The following ADGRL3 variants were observed in gnomAD, a reference collection of about 807,000 sequenced individuals.
ADGRL3 encodes adhesion G protein-coupled receptor L3, also known as calcium-independent alpha-latrotoxin receptor 3.
A neutral mutation model predicts 153.5 loss-of-function variants in ADGRL3; 62 were observed. The ratio of observed to expected loss-of-function variants is 0.40; its 90% CI spans 0.33 to 0.50. The LOEUF is 0.50. ADGRL3 is among the 20% of genes least tolerant of loss of function. ADGRL3 has a pLI of 0.47. For missense variants in ADGRL3, 1,641 were observed against 1,859.4 expected (o/e 0.88, Z 2.16); for synonymous variants, 710 against 672.5 (o/e 1.06, Z -0.86).
At chr4:62,051,104 A>T (rs1733869814) in intron 25 of ADGRL3, among the ~76,000 whole-genome samples, 1 of 149,954 alleles carries the variant, frequency 6.7e-6, no homozygotes, top group Non-Finnish European at 1.5e-5. Context: ...GGATATATAT[A>T]TACAAAGAAT....
chr4:61,308,258 A>G (rs987460564), intron 1 of ADGRL3, among the ~76,000 whole-genome samples: 9 of 152,186 alleles, frequency 5.9e-5, no homozygotes, highest in Admixed American at 2.6e-4. Flanking sequence ...CTTTGAGAGA[A>G]GCAAACACCA....
chr4:62,068,053 C>T (rs1743949669), intron 25 of ADGRL3, 113 bp from the exon 26 acceptor site: 1 of 600,782 alleles, frequency 1.7e-6, no homozygotes, highest in Non-Finnish European at 2.8e-6. Flanking sequence ...AAATTATTTC[C>T]TTTGACTCTT....
chr4:61,575,425 C>T (rs569141709), intron 4 of ADGRL3, among the ~76,000 whole-genome samples: 1 of 151,940 alleles, frequency 6.6e-6, no homozygotes, highest in African/African-American at 2.4e-5. Context: ...AGACAGGTGA[C>T]CTATGGATGA....
At chr4:61,348,274 T>C (rs1167632348) in intron 1 of ADGRL3, among the ~76,000 whole-genome samples, 5 of 152,064 alleles carry the variant, frequency 3.3e-5, no homozygotes, top group Middle Eastern at 3.2e-3. Flanking sequence ...TTGATTATGT[T>C]TAAGGCACAT....
At chr4:62,009,435 G>A (rs537789055) in intron 21 of ADGRL3, among the ~76,000 whole-genome samples, 133 of 151,818 alleles carry the variant, frequency 8.8e-4, no homozygotes, top group African/African-American at 2.9e-3. Flanking sequence ...TTTATGAAGC[G>A]TACTTTATAA....
intron 6 of ADGRL3, among the ~76,000 whole-genome samples, chr4:61,721,229 C>T (rs2096238619): frequency 6.6e-6 from 1 of 152,044 alleles, no homozygotes. Flanking sequence ...AAGGTGAAGT[C>T]CCACAATAGG....
chr4:61,801,433 T>C (rs1483618966), intron 8 of ADGRL3, among the ~76,000 whole-genome samples: 2 of 152,126 alleles, frequency 1.3e-5, no homozygotes, highest in African/African-American at 4.8e-5. Flanking sequence ...AGAGTGGATT[T>C]AAACTCTGTT....
intron 4 of ADGRL3, among the ~76,000 whole-genome samples, chr4:61,538,130 G>A (rs2098668342): frequency 6.6e-6 from 1 of 151,708 alleles, no homozygotes. Flanking sequence ...CAGTTGGATG[G>A]GAAATAAAAA....
At chr4:61,822,737 A>G (rs1464102008) in intron 9 of ADGRL3, among the ~76,000 whole-genome samples, 1 of 152,090 alleles carries the variant, frequency 6.6e-6, no homozygotes, top group African/African-American at 2.4e-5. Context: ...AGTTTTTCAT[A>G]TTGGTTGTTA....
chr4:61,491,340 A>C (rs1288784377), intron 2 of ADGRL3, among the ~76,000 whole-genome samples: 1 of 152,132 alleles, frequency 6.6e-6, no homozygotes, highest in Non-Finnish European at 1.5e-5. Context: ...CCCTCACCTA[A>C]GCATTTATGC....
In ADGRL3 at chr4:62,037,939, C is replaced by T. The variant is rs1218115726; in HGVS notation, c.3717+83C>T. On this transcript the variant is annotated intron_variant, in intron 24 of 26. Coordinates refer to ENST00000683033, the MANE Select transcript of ADGRL3 (RefSeq NM_001387552.1). ...CTTATGATTGGAGCTAATTTCTAGCCTGTGTTTAACACATCGTTTGTTTTT... is the reference window on the plus strand; with the variant it reads ...CTTATGATTGGAGCTAATTTCTAGCTTGTGTTTAACACATCGTTTGTTTTT... 3 of 1,470,044 alleles carry T rather than the reference C, an allele frequency of 2.0e-6. No individual in the cohort carries two copies. In the African/African-American group the frequency reaches 4.2e-5, roughly 21 times the overall value. The allele number at this position is 1,470,044 out of a possible 1,614,324, so 91.1% of individuals were successfully genotyped here.
chr4:61,278,265 G>A (rs2093570007), intron 1 of ADGRL3, among the ~76,000 whole-genome samples: 1 of 152,056 alleles, frequency 6.6e-6, no homozygotes, highest in Non-Finnish European at 1.5e-5. Flanking sequence ...TGACAGACAT[G>A]CAGCTAAGAT....
chr4:61,935,231 A>G (rs949372522), intron 14 of ADGRL3, among the ~76,000 whole-genome samples: 1 of 152,216 alleles, frequency 6.6e-6, no homozygotes, highest in Admixed American at 6.5e-5. Context: ...GGACATTTCA[A>G]TATTAGGTTC....
chr4:61,486,690 T>C (rs1391296897), intron 2 of ADGRL3, among the ~76,000 whole-genome samples: 1 of 152,214 alleles, frequency 6.6e-6, no homozygotes, highest in African/African-American at 2.4e-5. Context: ...AATTAAATAC[T>C]CTTACTGATT....
chr4:61,292,208 T>C (rs1249827185), intron 1 of ADGRL3, among the ~76,000 whole-genome samples: 1 of 152,012 alleles, frequency 6.6e-6, no homozygotes, highest in African/African-American at 2.4e-5. Flanking sequence ...ATTAAAACTA[T>C]AACCTTAAGC....
At chr4:61,899,218 C>A (rs917969103) in intron 11 of ADGRL3, among the ~76,000 whole-genome samples, 1 of 152,106 alleles carries the variant, frequency 6.6e-6, no homozygotes, top group African/African-American at 2.4e-5. Context: ...TAAATAATTT[C>A]TTTTTAATTC....
intron 8 of ADGRL3, among the ~76,000 whole-genome samples, chr4:61,756,570 G>A (rs966292229): frequency 1.3e-5 from 2 of 152,124 alleles, no homozygotes; most frequent in Non-Finnish European, 2.9e-5. Flanking sequence ...TGTAAACAGG[G>A]ACAATTTCAC....
At chr4:61,681,241 C>T (rs954516269) in intron 6 of ADGRL3, among the ~76,000 whole-genome samples, 4 of 152,088 alleles carry the variant, frequency 2.6e-5, no homozygotes, top group Admixed American at 6.6e-5. Flanking sequence ...AACTAACCAC[C>T]TACTCAGAGT....
intron 8 of ADGRL3, among the ~76,000 whole-genome samples, chr4:61,756,935 T>A (rs1483861374): frequency 6.6e-6 from 1 of 152,212 alleles, no homozygotes. Context: ...TTGATTTGCA[T>A]ATGTTAAACC....
Sources: allele counts gnomAD v4.1 joint callset (sites outside exome capture counted in the v4.1 genomes callset), GRCh38; gene constraint gnomAD v4.1.1; transcripts MANE v1.5; gene names NCBI Gene and HGNC (gene_info 2026-07-23, HGNC 2026-07-21).